Variants in SYN3 observed in about 807,000 individuals in gnomAD.
SYN3 encodes the protein synapsin III.
A neutral mutation model predicts 65.8 loss-of-function variants in SYN3; 35 were observed. The observed-to-expected ratio is 0.53, with a 90% CI of 0.41 to 0.70. SYN3 has a LOEUF of 0.70. Among genes scored for constraint, SYN3 ranks in the 30% least tolerant of loss-of-function variants. The pLI is 0.00. For synonymous variants in SYN3, 270 were observed against 292.9 expected (o/e 0.92, Z 0.80); for missense variants, 680 against 749.0 (o/e 0.91, Z 1.08).
At chr22:32,708,178 C>T (rs1379978089) in intron 6 of SYN3, among the ~76,000 whole-genome samples, 1 of 152,200 alleles carries the variant, frequency 6.6e-6, no homozygotes, top group Non-Finnish European at 1.5e-5. Flanking sequence ...CTGCAGCAGG[C>T]AGTGGTGTGG....
chr22:32,682,834 G>A (rs1157412940), intron 6 of SYN3, among the ~76,000 whole-genome samples: 1 of 152,222 alleles, frequency 6.6e-6, no homozygotes, highest in Non-Finnish European at 1.5e-5. Flanking sequence ...GAAACTCTTG[G>A]AGAAGCCCAG....
Position 32,639,264 on chromosome 22 carries a change from A to AT in SYN3, c.712-42529dup, listed in dbSNP as rs968203792. Among the ~76,000 whole-genome samples the AT allele has an allele frequency of 9.2e-5, 14 of 151,858 alleles. No individual in the cohort carries two copies. The South Asian group carries it at 1.0e-3, about 11-fold the overall frequency. On this transcript the variant is annotated intron_variant, in intron 6 of 13. Transcript: ENST00000358763. ...CACCACGCCTGGCCCATTTTGGTTA[A>AT]TTTTTTTACATGGTGAAAGGTAGGA...
intron 1 of SYN3, among the ~76,000 whole-genome samples, chr22:33,009,151 A>T (rs1353564254): frequency 6.6e-6 from 1 of 151,934 alleles, no homozygotes; most frequent in Non-Finnish European, 1.5e-5. Context: ...AATACCTAGG[A>T]GTTAATTTGT....
At chr22:32,516,027 T>C (rs1390366950) in intron 13 of SYN3, among the ~76,000 whole-genome samples, 1 of 152,280 alleles carries the variant, frequency 6.6e-6, no homozygotes, top group African/African-American at 2.4e-5. Context: ...CTCGATCTCC[T>C]GACCTTGTGA....
intron 6 of SYN3, among the ~76,000 whole-genome samples, chr22:32,799,907 A>C (rs565350807): frequency 6.6e-5 from 10 of 152,330 alleles, no homozygotes; most frequent in African/African-American, 2.4e-4. Flanking sequence ...ATACCCCATA[A>C]AACAATGAAA....
Position 32,596,880 on chromosome 22 carries a change from C to T in SYN3, c.712-144G>A, listed in dbSNP as rs570205443. 8.6e-6 allele frequency: 7 copies of T among 816,734 alleles called. No individual in the cohort carries two copies. In the Admixed American group the frequency reaches 1.7e-4, roughly 20 times the overall value. 50.6% of individuals were successfully genotyped at this position (816,734 alleles called of 1,614,324 possible). ...AATGCTTCGACAGATGGTCACCCAG[C>T]CATGGCCCAAACACCCTCAATGTCA... On this transcript the variant is annotated intron_variant, in intron 6 of 13. Transcript: ENST00000358763.
At chr22:32,948,907 C>T (rs887178695) in intron 3 of SYN3, among the ~76,000 whole-genome samples, 6 of 149,866 alleles carry the variant, frequency 4.0e-5, no homozygotes, top group Non-Finnish European at 8.9e-5. Context: ...AAGAAAATCT[C>T]TCTGACATTC....
chr22:32,797,503 T>G (rs1436827535), intron 6 of SYN3, among the ~76,000 whole-genome samples: 2 of 152,092 alleles, frequency 1.3e-5, no homozygotes, highest in Non-Finnish European at 2.9e-5. Context: ...AAGAGTTCAG[T>G]AACTCCTGAA....
At chr22:32,721,152 C>T (rs1048630679) in intron 6 of SYN3, among the ~76,000 whole-genome samples, 10 of 152,150 alleles carry the variant, frequency 6.6e-5, no homozygotes, top group African/African-American at 1.9e-4. Flanking sequence ...AAGACAGGGA[C>T]GTCAGCTTTG....
rs61464794 is a variant in SYN3 at position 32,869,367 on chromosome 22, T to TCTCTCTCTCTCTCTCTCTCA, written c.462-243_462-242insTGAGAGAGAGAGAGAGAGAG. On this transcript the variant is annotated intron_variant, in intron 4 of 13. Coordinates refer to ENST00000358763, the MANE Select transcript of SYN3 (RefSeq NM_003490.4). The stretch of plus-strand genomic sequence containing the variant: ...CTCTCTCTCTCTCTCTCTCTCTCTC[T>TCTCTCTCTCTCTCTCTCTCA]CACAGGCTCTTTCCTAAATTCCCTG... 4.1e-3 allele frequency among the ~76,000 whole-genome samples: 579 copies of TCTCTCTCTCTCTCTCTCTCA among 142,388 alleles called. 6 individuals are homozygous for TCTCTCTCTCTCTCTCTCTCA. The highest frequency in any genetic ancestry group is 5.6e-3 in the Non-Finnish European group (368 of 65,782). 93.4% of individuals were successfully genotyped at this position (142,388 alleles called of 152,430 possible).
intron 6 of SYN3, among the ~76,000 whole-genome samples, chr22:32,762,629 C>G (rs201629914): frequency 3.9e-5 from 6 of 151,936 alleles, no homozygotes; most frequent in East Asian, 1.9e-4. Flanking sequence ...GCCAGGGTCG[C>G]GAAACCCAGT....
chr22:32,786,181 T>C (rs2046190247), intron 6 of SYN3, among the ~76,000 whole-genome samples: 2 of 152,160 alleles, frequency 1.3e-5, no homozygotes, highest in South Asian at 4.1e-4. Flanking sequence ...TGCCCTTGTT[T>C]GTAGCCGAGG....
chr22:32,688,020 C>T (rs1490880663), intron 6 of SYN3, among the ~76,000 whole-genome samples: 1 of 152,184 alleles, frequency 6.6e-6, no homozygotes, highest in Non-Finnish European at 1.5e-5. Context: ...CTTGAGACTC[C>T]AGGGGACCTC....
At position 32,954,525 on chromosome 22, in the gene SYN3, TTAGA is replaced by T. The variant is rs2051388596; in HGVS notation, c.370-23048_370-23045del. On this transcript the variant is annotated intron_variant, in intron 3 of 13. Coordinates refer to ENST00000358763, the MANE Select transcript of SYN3 (RefSeq NM_003490.4). Reference sequence around the variant, plus strand: ...TTGCTATGAGCTGGGCTCCACATGCTTAGACACCATTCTGCCAAATGCTCTGCAA... The same window carrying T: ...TTGCTATGAGCTGGGCTCCACATGCTCACCATTCTGCCAAATGCTCTGCAA... Among the ~76,000 whole-genome samples, 11 of 152,364 alleles carry T rather than the reference TTAGA, an allele frequency of 7.2e-5. No homozygotes were observed. In the South Asian group the frequency reaches 2.3e-3, roughly 32 times the overall value.
intron 6 of SYN3, among the ~76,000 whole-genome samples, chr22:32,735,523 T>TTTTG (rs143760247): frequency 2.5e-4 from 38 of 152,038 alleles, no homozygotes; most frequent in African/African-American, 7.0e-4. Context: ...TTGTTTTGTT[T>TTTTG]TTTGTTTGTT....
intron 2 of SYN3, among the ~76,000 whole-genome samples, chr22:32,989,320 T>C (rs1404691034): frequency 6.6e-6 from 1 of 152,164 alleles, no homozygotes; most frequent in African/African-American, 2.4e-5. Context: ...CTAATGTTCA[T>C]CTCTTTCCCT....
intron 6 of SYN3, among the ~76,000 whole-genome samples, chr22:32,698,925 A>G (rs2060774678): frequency 6.6e-6 from 1 of 152,100 alleles, no homozygotes; most frequent in Non-Finnish European, 1.5e-5. Flanking sequence ...TGGGGGGGTG[A>G]CACATCATCT....
intron 2 of SYN3, among the ~76,000 whole-genome samples, chr22:33,000,333 G>A (rs895431966): frequency 1.1e-4 from 16 of 152,152 alleles, no homozygotes; most frequent in African/African-American, 3.9e-4. Context: ...CCCCCAACAG[G>A]AGAGAGTATC....
Position 32,509,820 on chromosome 22 carries a change from G to C in SYN3, c.*3872C>G, listed in dbSNP as rs146720849. On this transcript the variant is annotated 3_prime_UTR_variant, in exon 14 of 14. Transcript: ENST00000358763. ...CCTGACCTAGTCATCCGCCCACCTCGGCCTCCCAAAGTGCTGGGATTACTG... is the reference window on the plus strand; with the variant it reads ...CCTGACCTAGTCATCCGCCCACCTCCGCCTCCCAAAGTGCTGGGATTACTG... 1.3e-5 allele frequency among the ~76,000 whole-genome samples: 2 copies of C among 152,032 alleles called. No individual in the cohort carries two copies. Among genetic ancestry groups the C allele is most frequent in the African/African-American group, 4.8e-5 (2 of 41,388 alleles).
Sources: allele counts gnomAD v4.1 joint callset (sites outside exome capture counted in the v4.1 genomes callset), GRCh38; gene constraint gnomAD v4.1.1; transcripts MANE v1.5; gene names NCBI Gene and HGNC (gene_info 2026-07-23, HGNC 2026-07-21).